The following MSL3 variants were observed in gnomAD, a reference collection of about 807,000 sequenced individuals.
The protein encoded by MSL3 is MSL3-like 1.
Under a neutral mutation model 37.2 loss-of-function variants are expected in MSL3, and 5 were observed. That is an observed-to-expected ratio of 0.13 (90% CI 0.07 to 0.28). The LOEUF (loss-of-function observed/expected upper bound fraction) is 0.28. Among genes scored for constraint, MSL3 ranks in the 10% least tolerant of loss-of-function variants. The pLI, the probability that MSL3 is intolerant of heterozygous loss-of-function variation, is 1.00. For synonymous variants in MSL3, 149 were observed against 147.6 expected (o/e 1.01, Z -0.07); for missense variants, 315 against 408.5 (o/e 0.77, Z 1.97).
rs770665155 is a variant in MSL3, at chrX:11,762,888, G to A, written c.640G>A (p.Val214Met). The change falls in exon 7 of 13, where the codon GTG becomes ATG. Residue 214 changes from valine to methionine, a missense_variant. Val to Met is a conservative substitution (Grantham distance 21, BLOSUM62 1). Transcript: ENST00000312196. The stretch of plus-strand genomic sequence containing the variant: ...CATCATAACGATTTTGGAATCCTAT[G>A]TGAAGCATTTTGCTATCAATGCAGC... ...TNIITILESY[V>M]KHFAINAAFS... The A allele has an allele frequency of 1.7e-6, 2 of 1,210,461 alleles. No individual in the cohort carries two copies. Among genetic ancestry groups the A allele is most frequent in the East Asian group, 5.9e-5 (2 of 33,808 alleles).
Position 11,768,612 on chromosome X carries a change from T to C in MSL3, c.1211T>C (p.Leu404Pro), listed in dbSNP as rs1481510681. ...VHSRSSSPIP[L>P]TPSKEGSAVF... ...AGCAGATCATCTTCACCTATTCCTC[T>C]GACTCCTAGCAAGGAAGGGAGTGCT... Residue 404 changes from leucine (L) to proline (P), a missense_variant, in exon 10 of 13, where the codon CTG becomes CCG. Leu to Pro is a moderately conservative substitution (Grantham distance 98). Coordinates refer to ENST00000312196, the MANE Select transcript of MSL3 (RefSeq NM_078629.4). The C allele has an allele frequency of 8.3e-7, 1 of 1,208,347 alleles. No homozygotes were observed. The highest frequency in any genetic ancestry group is 2.2e-5 in the Admixed American group (1 of 46,084).
chrX:11,765,367 C>A, intron 8 of MSL3, 100 bp from the exon 9 acceptor site: 1 of 1,016,099 alleles, frequency 9.8e-7, no homozygotes, highest in East Asian at 3.1e-5. Flanking sequence ...TACATATTTA[C>A]GACCCTCCTG....
chrX:11,775,257 G>A lies in MSL3; in HGVS notation c.*178G>A. ...TATTCTGTTAGGAATGATTCCCTGG[G>A]TGCCTGAAAGTGCTCTGACACGACA... is the stretch of plus-strand genomic sequence containing the variant. On this transcript the variant is annotated 3_prime_UTR_variant, in exon 13 of 13. Coordinates refer to ENST00000312196, the MANE Select transcript of MSL3 (RefSeq NM_078629.4). 1 of 401,521 alleles carries A rather than the reference G, an allele frequency of 2.5e-6. No homozygotes were observed. 33.1% of individuals were successfully genotyped at this position (401,521 alleles called of 1,213,427 possible).
Position 11,762,250 on chromosome X carries a change from C to T in MSL3, c.586C>T (p.Arg196Trp). ...DDCYYINRRK[R>W]LVKLPCQTNI... ...TTGTTACTACATTAACAGGAGGAAA[C>T]GGGTATGTAGGGAGAATGTATAAAA... The change falls in exon 6 of 13, where the codon CGG becomes TGG. Residue 196 changes from arginine to tryptophan, a missense_variant and splice_region_variant. Physicochemically the swap from Arg to Trp is moderately radical, Grantham distance 101 (BLOSUM62 -3). Coordinates refer to ENST00000312196, the MANE Select transcript of MSL3 (RefSeq NM_078629.4). The T allele has an allele frequency of 8.7e-7, 1 of 1,151,403 alleles. No homozygotes were observed. 94.9% of individuals were successfully genotyped at this position (1,151,403 alleles called of 1,213,427 possible).
At chrX:11,760,679 G>A (rs2053123783) in intron 3 of MSL3, among the ~76,000 whole-genome samples, 158 bp from the exon 4 acceptor site, 1 of 111,662 alleles carries the variant, frequency 9.0e-6, no homozygotes, top group South Asian at 3.6e-4. Context: ...TTTTCAGAGT[G>A]GTTATTGTAT....
At chrX:11,774,878 A>G in intron 12 of MSL3, 102 bp from the exon 13 acceptor site, 1 of 574,574 alleles carries the variant, frequency 1.7e-6, no homozygotes, top group African/African-American at 2.3e-5. Context: ...TCTTCCTAAT[A>G]CCAAAAAACA....
rs2147247125 is a variant in MSL3, at chrX:11,765,371, C to T, written c.909-96C>T. 5.8e-6 allele frequency: 6 copies of T among 1,031,054 alleles called. No homozygotes were observed. The South Asian group carries it at 1.4e-4, about 25-fold the overall frequency. The allele number at this position is 1,031,054 out of a possible 1,213,427, so 85.0% of individuals were successfully genotyped here. On this transcript the variant is annotated intron_variant, in intron 8 of 12. Coordinates refer to ENST00000312196, the MANE Select transcript of MSL3 (RefSeq NM_078629.4). ...AGTGACTTCGGTACATATTTACGAC[C>T]CTCCTGGAGTAGAGAGAGCATTTCG...
chrX:11,760,870 G>A lies in MSL3; in HGVS notation c.315G>A (p.Arg105=). The stretch of plus-strand genomic sequence containing the variant: ...CAGGAAGAAAGAAGAAGCGCTGCAG[G>A]TTGCCTGGTGTGGACTCTGTCTTAA... The part of the protein sequence containing the change: ...RSTGRKKKRC[R]LPGVDSVLKG... The change falls in exon 4 of 13, where the codon AGG becomes AGA. Residue 105 remains arginine, a synonymous_variant. Transcript: ENST00000312196. 2 of 1,200,946 alleles carry A rather than the reference G, an allele frequency of 1.7e-6. No homozygotes were observed. The highest frequency in any genetic ancestry group is 2.2e-6 in the Non-Finnish European group (2 of 889,957).
In MSL3 at chrX:11,758,920, C is replaced by A. The variant is rs1479692801; in HGVS notation, c.102+555C>A. The A allele has an allele frequency of 9.3e-6, 5 of 536,804 alleles. No homozygotes were observed. In the African/African-American group the frequency reaches 1.2e-4, roughly 13 times the overall value. 44.2% of individuals were successfully genotyped at this position (536,804 alleles called of 1,213,427 possible). The stretch of plus-strand genomic sequence containing the variant: ...GGCCCAGTGTTTTCGTACCCCAGGG[C>A]CTTGCAGCATTTACGTTTTCAAACT... On this transcript the variant is annotated intron_variant, in intron 1 of 12. Coordinates refer to ENST00000312196, the MANE Select transcript of MSL3 (RefSeq NM_078629.4).
chrX:11,772,729 C>T, intron 12 of MSL3, 24 bp downstream of exon 12: 1 of 991,444 alleles, frequency 1.0e-6, no homozygotes, highest in Non-Finnish European at 1.4e-6. Context: ...TTTGTCAAAA[C>T]TTACACCTGT....
chrX:11,774,368 G>A lies in MSL3; in HGVS notation c.1467-612G>A, dbSNP rs752969997. 8.9e-5 allele frequency among the ~76,000 whole-genome samples: 10 copies of A among 111,811 alleles called. No individual in the cohort carries two copies. In the East Asian group the frequency reaches 2.8e-3, roughly 31 times the overall value. On this transcript the variant is annotated intron_variant, in intron 12 of 12. Coordinates refer to ENST00000312196, the MANE Select transcript of MSL3 (RefSeq NM_078629.4). ...GGAGTCTTGCTCTGTCGCCTGGGCTGGAGTGCAGTGGCGTGATCTCGGCTC... is the reference window on the plus strand; with the variant it reads ...GGAGTCTTGCTCTGTCGCCTGGGCTAGAGTGCAGTGGCGTGATCTCGGCTC...
chrX:11,761,528 A>C lies in MSL3; in HGVS notation c.411A>C (p.Glu137Asp). The C allele has an allele frequency of 8.3e-7, 1 of 1,202,766 alleles. No individual in the cohort carries two copies. The highest frequency in any genetic ancestry group is 1.1e-6 in the Non-Finnish European group (1 of 889,980). ...NSLSSSSDCS[E>D]NKDEEISEES... ...TAAGCAGTTCCTCTGACTGTAGTGA[A>C]AACAAGGATGAAGAAATAAGTGAAG... is the stretch of plus-strand genomic sequence containing the variant. The change falls in exon 5 of 13, where the codon GAA becomes GAC. Residue 137 changes from glutamate (E) to aspartate (D), a missense_variant. Coordinates refer to ENST00000312196, the MANE Select transcript of MSL3 (RefSeq NM_078629.4).
At chrX:11,764,252 G>A (rs1289697734) in intron 8 of MSL3, 8 of 168,791 alleles carry the variant, frequency 4.7e-5, no homozygotes, top group Admixed American at 1.6e-4. Flanking sequence ...GAGGGTGGAA[G>A]GGGCAGGTTT....
At chrX:11,758,536 G>A in intron 1 of MSL3, 171 bp downstream of exon 1, 1 of 1,070,514 alleles carries the variant, frequency 9.3e-7, no homozygotes, top group Non-Finnish European at 1.2e-6. Context: ...CGGGAGTCGG[G>A]GCGGGGTCTG....
chrX:11,759,289 C>T (rs1028679504), intron 1 of MSL3, among the ~76,000 whole-genome samples: 1 of 112,201 alleles, frequency 8.9e-6, no homozygotes, highest in East Asian at 2.8e-4. Flanking sequence ...CCTGCTGCTC[C>T]TGTCTTTTAA....
chrX:11,772,034 G>A, intron 10 of MSL3, 122 bp from the exon 11 acceptor site: 2 of 500,267 alleles, frequency 4.0e-6, no homozygotes, highest in Non-Finnish European at 6.9e-6. Context: ...GTAAGCTTGT[G>A]TTTATTTTGA....
rs2053090490 is a variant in MSL3 at position 11,758,308 on chromosome X, G to A, written c.45G>A (p.Glu15=). The A allele has an allele frequency of 8.8e-6, 10 of 1,132,406 alleles. No homozygotes were observed. The highest frequency in any genetic ancestry group is 1.2e-5 in the Non-Finnish European group (10 of 853,645). The allele number at this position is 1,132,406 out of a possible 1,213,427, so 93.3% of individuals were successfully genotyped here. The change falls in exon 1 of 13, where the codon GAG becomes GAA. Residue 15 remains glutamate, a synonymous_variant. Transcript: ENST00000312196. The part of the protein sequence containing the change: ...EGMKFKFHSG[E]KVLCFEPDPT... Reference sequence around the variant, plus strand: ...TGAAATTTAAATTCCACTCAGGGGAGAAAGTGCTGTGCTTCGAGCCTGACC... The same window carrying A: ...TGAAATTTAAATTCCACTCAGGGGAAAAAGTGCTGTGCTTCGAGCCTGACC...
intron 1 of MSL3, among the ~76,000 whole-genome samples, chrX:11,759,094 G>T (rs1448465505): frequency 8.9e-6 from 1 of 111,809 alleles, no homozygotes; most frequent in African/African-American, 3.3e-5. Flanking sequence ...AGATCCCCAA[G>T]GAAAGCACCC....
rs1388802712 is a variant in MSL3, at chrX:11,760,423, A to C, written c.206A>C (p.Glu69Ala). The C allele has an allele frequency of 2.5e-6, 3 of 1,202,151 alleles. No individual in the cohort carries two copies. The highest frequency in any genetic ancestry group is 3.0e-5 in the East Asian group (1 of 33,477). ...WNRSWDRWAA[E>A]DHVLRDTDEN... ...ATTAGCTGGGATAGATGGGCAGCAG[A>C]AGATCATGTGCTTCGTGATACCGAT... Residue 69 changes from glutamate to alanine, a missense_variant, in exon 3 of 13, where the codon GAA (glutamate) becomes GCA (alanine). Coordinates refer to ENST00000312196, the MANE Select transcript of MSL3 (RefSeq NM_078629.4).
Sources: allele counts gnomAD v4.1 joint callset (sites outside exome capture counted in the v4.1 genomes callset), GRCh38; gene constraint gnomAD v4.1.1; transcripts MANE v1.5; gene names NCBI Gene and HGNC (gene_info 2026-07-23, HGNC 2026-07-21).